The following MEMO1 variants were observed in gnomAD, a reference collection of about 807,000 sequenced individuals.
MEMO1 encodes the protein protein MEMO1.
In MEMO1, 6 loss-of-function variants were observed where a neutral mutation model predicts 45.2. The ratio of observed to expected loss-of-function variants is 0.13; its 90% CI spans 0.07 to 0.26. MEMO1 has a LOEUF of 0.26. Ranked by LOEUF, MEMO1 falls within the 10% of genes least tolerant of loss-of-function variation. The probability of loss-of-function intolerance (pLI) is 1.00; values close to 1 mark genes in which losing one functional copy is unlikely to be tolerated. For missense variants in MEMO1, 184 were observed against 370.5 expected, an observed-to-expected ratio of 0.50 and a Z score of 4.13; for synonymous variants, 78 against 124.3, an observed-to-expected ratio of 0.63 and a Z score of 2.48.
intron 6 of MEMO1, among the ~76,000 whole-genome samples, chr2:31,900,914 T>C (rs749899202): frequency 1.3e-5 from 2 of 152,178 alleles, no homozygotes; most frequent in African/African-American, 4.8e-5. Flanking sequence ...AATTAAAATA[T>C]AGGCTTATCA....
At chr2:32,005,569 C>A (rs1403358517) in intron 2 of MEMO1, among the ~76,000 whole-genome samples, 2 of 151,934 alleles carry the variant, frequency 1.3e-5, no homozygotes, top group African/African-American at 4.8e-5. Flanking sequence ...CTCCCTGGAT[C>A]CCTAACTGGC....
intron 8 of MEMO1, among the ~76,000 whole-genome samples, chr2:31,881,547 A>G (rs1675373478): frequency 6.6e-6 from 1 of 151,630 alleles, no homozygotes; most frequent in African/African-American, 2.4e-5. Flanking sequence ...GAAAAATCCA[A>G]ATGGCCCAAA....
intron 7 of MEMO1, 25 bp downstream of exon 7, chr2:31,891,967 T>C (rs762473420): frequency 2.5e-6 from 4 of 1,597,382 alleles, no homozygotes; most frequent in African/African-American, 1.3e-5. Flanking sequence ...ACATCTACCA[T>C]GATATGTTAA....
In MEMO1 at chr2:31,946,406, T is replaced by C. The variant is rs112368580; in HGVS notation, c.62-3023A>G. 7.5e-3 allele frequency among the ~76,000 whole-genome samples: 1,147 copies of C among 152,260 alleles called. 16 individuals carry two copies. Among genetic ancestry groups the C allele is most frequent in the African/African-American group, 0.026 (1,061 of 41,552 alleles). Reference sequence around the variant, plus strand: ...AGTACAAAAAAAAAGTCTGACTCAGTGATTAAACAATGGTGTTCATCTTAA... The same window carrying C: ...AGTACAAAAAAAAAGTCTGACTCAGCGATTAAACAATGGTGTTCATCTTAA... On this transcript the variant is annotated intron_variant, in intron 2 of 9. Coordinates refer to ENST00000404530, the MANE Select transcript of MEMO1 (RefSeq NM_001301833.4).
intron 4 of MEMO1, among the ~76,000 whole-genome samples, chr2:31,930,449 T>C (rs907725128): frequency 6.6e-6 from 1 of 152,120 alleles, no homozygotes; most frequent in African/African-American, 2.4e-5. Context: ...TCCACTTCTA[T>C]GAACATAAAC....
intron 2 of MEMO1, among the ~76,000 whole-genome samples, chr2:31,946,743 G>C (rs1310142809): frequency 6.6e-6 from 1 of 152,032 alleles, no homozygotes; most frequent in Non-Finnish European, 1.5e-5. Context: ...CACGCCTGCA[G>C]TCCCAGCTAC....
At chr2:31,920,730 A>T in intron 5 of MEMO1, 68 bp downstream of exon 5, 1 of 878,264 alleles carries the variant, frequency 1.1e-6, no homozygotes, top group Admixed American at 3.0e-5. Context: ...TAAGTTTTTA[A>T]ATTAATTTAC....
At chr2:31,953,479 G>A (rs1447607380) in intron 2 of MEMO1, among the ~76,000 whole-genome samples, 2 of 147,884 alleles carry the variant, frequency 1.4e-5, no homozygotes, top group African/African-American at 2.5e-5. Flanking sequence ...TTTTTGAGAC[G>A]GAGTCTCGCT....
chr2:31,917,872 C>A, intron 6 of MEMO1, 54 bp downstream of exon 6: 1 of 1,229,884 alleles, frequency 8.1e-7, no homozygotes, highest in Non-Finnish European at 1.1e-6. Flanking sequence ...TTTAAATTAC[C>A]AAAGAAATTA....
chr2:31,924,211 CCTT>C (rs1360341309), intron 4 of MEMO1, among the ~76,000 whole-genome samples: 6 of 152,002 alleles, frequency 3.9e-5, no homozygotes, highest in Non-Finnish European at 8.8e-5. Flanking sequence ...AAATGGGTCT[CCTT>C]GTTAGCTAAA....
intron 2 of MEMO1, among the ~76,000 whole-genome samples, chr2:32,001,109 G>A (rs1673259864): frequency 6.8e-6 from 1 of 147,414 alleles, no homozygotes; most frequent in East Asian, 2.0e-4. Flanking sequence ...CGCAATCTCG[G>A]CTCACTGCAA....
intron 7 of MEMO1, among the ~76,000 whole-genome samples, chr2:31,887,583 T>A (rs7591270): frequency 5.3e-5 from 8 of 151,976 alleles, no homozygotes; most frequent in African/African-American, 9.7e-5. Flanking sequence ...AAAGAAAAAA[T>A]GTATTTCATA....
At chr2:31,920,119 T>C (rs1572682865) in intron 5 of MEMO1, among the ~76,000 whole-genome samples, 1 of 152,088 alleles carries the variant, frequency 6.6e-6, no homozygotes, top group East Asian at 1.9e-4. Context: ...CATCAGTTAA[T>C]TTCTTATAGT....
At chr2:31,932,817 C>G (rs1240522384) in intron 3 of MEMO1, among the ~76,000 whole-genome samples, 1 of 152,126 alleles carries the variant, frequency 6.6e-6, no homozygotes, top group Non-Finnish European at 1.5e-5. Context: ...GAAGTCAAGT[C>G]AGACCAAAAC....
intron 6 of MEMO1, among the ~76,000 whole-genome samples, chr2:31,900,988 A>G (rs1678701817): frequency 6.6e-6 from 1 of 152,240 alleles, no homozygotes; most frequent in African/African-American, 2.4e-5. Context: ...ATTATTCATA[A>G]TAGCCAAAAA....
chr2:31,920,236 T>C (rs1682102820), intron 5 of MEMO1, among the ~76,000 whole-genome samples: 1 of 151,976 alleles, frequency 6.6e-6, no homozygotes, highest in South Asian at 2.1e-4. Context: ...GTGTAAGAAC[T>C]ACTAAATAAA....
At chr2:31,892,182 G>C (rs775215094) in intron 6 of MEMO1, 48 bp from the exon 7 acceptor site, 1 of 1,514,426 alleles carries the variant, frequency 6.6e-7, no homozygotes, top group African/African-American at 1.4e-5. Flanking sequence ...ATGCTTAAAT[G>C]AAAGTTTTCC....
intron 4 of MEMO1, among the ~76,000 whole-genome samples, chr2:31,929,074 A>G (rs921083031): frequency 1.3e-5 from 2 of 152,164 alleles, no homozygotes; most frequent in African/African-American, 4.8e-5. Context: ...ATAAAAAACT[A>G]ATTTTGCCAT....
At chr2:31,873,657 A>C (rs1302432320) in intron 8 of MEMO1, among the ~76,000 whole-genome samples, 1 of 152,170 alleles carries the variant, frequency 6.6e-6, no homozygotes, top group African/African-American at 2.4e-5. Flanking sequence ...GGCACTTACG[A>C]AATAAAAACC....
Sources: gnomAD v4.1 joint callset for allele counts (sites outside exome capture counted in the v4.1 genomes callset) on GRCh38, gnomAD v4.1.1 for gene constraint, MANE v1.5 for transcripts, NCBI Gene and HGNC (gene_info 2026-07-23, HGNC 2026-07-21) for gene names.